Variants in ZNF521 observed in about 807,000 individuals in gnomAD.
The protein encoded by ZNF521 is zinc finger protein 521.
In ZNF521, 14 loss-of-function variants were observed where a neutral mutation model predicts 105.5. The observed-to-expected ratio is 0.13, with a 90% CI of 0.09 to 0.21. The LOEUF is 0.21. Ranked by LOEUF, ZNF521 falls within the 10% of genes least tolerant of loss-of-function variation. The pLI is 1.00. For missense variants in ZNF521, 1,233 were observed against 1,629.7 expected (o/e 0.76, Z 4.19); for synonymous variants, 635 against 606.0 (o/e 1.05, Z -0.70).
In ZNF521 at chr18:25,074,406, G is replaced by C. The variant is rs531567448; in HGVS notation, c.3907-11665C>G. On this transcript the variant is annotated intron_variant, in intron 7 of 7. Coordinates refer to ENST00000361524, the MANE Select transcript of ZNF521 (RefSeq NM_015461.3). ...AGAAGAGAAAACATTTCACACTCAA[G>C]TTTGGTGCTTTTTTCTTTTTGCCTG... is the stretch of plus-strand genomic sequence containing the variant. 1.2e-3 allele frequency among the ~76,000 whole-genome samples: 186 copies of C among 152,262 alleles called. 1 individual carries two copies. The highest frequency in any genetic ancestry group is 4.3e-3 in the African/African-American group (180 of 41,570).
rs1908141350 is a variant in ZNF521, at chr18:25,251,819, AT to A, written c.221-24123del. On this transcript the variant is annotated intron_variant, in intron 3 of 7. Transcript: ENST00000361524. Reference sequence around the variant, plus strand: ...TTATACAAGGAATAATTCAGGGAAAATTATCTACACACATGGTATTGATTAA... The same window carrying A: ...TTATACAAGGAATAATTCAGGGAAAATATCTACACACATGGTATTGATTAA... Among the ~76,000 whole-genome samples the A allele has an allele frequency of 2.0e-5, 3 of 152,004 alleles. No homozygotes were observed. The South Asian group carries it at 6.2e-4, about 32-fold the overall frequency.
At chr18:25,296,467 C>T (rs577750515) in intron 3 of ZNF521, among the ~76,000 whole-genome samples, 8 of 152,292 alleles carry the variant, frequency 5.3e-5, no homozygotes, top group Non-Finnish European at 1.0e-4. Flanking sequence ...TTCAAAGATA[C>T]TCAGTCACAC....
chr18:25,187,470 CT>C (rs1422040031), intron 5 of ZNF521, among the ~76,000 whole-genome samples: 1 of 151,536 alleles, frequency 6.6e-6, no homozygotes, highest in African/African-American at 2.4e-5. Flanking sequence ...ATTTTAATAA[CT>C]CTTAAATAAG....
At chr18:25,299,272 G>C (rs933044847) in intron 3 of ZNF521, among the ~76,000 whole-genome samples, 2 of 152,184 alleles carry the variant, frequency 1.3e-5, no homozygotes, top group Admixed American at 1.3e-4. Flanking sequence ...AAGCTAAACT[G>C]CTTCCAACAT....
At chr18:25,096,291 C>G in intron 5 of ZNF521, among the ~76,000 whole-genome samples, 1 of 152,150 alleles carries the variant, frequency 6.6e-6, no homozygotes, top group East Asian at 1.9e-4. Flanking sequence ...AAATTTTGTG[C>G]TCTAAGAAAA....
chr18:25,208,173 G>T (rs986322044), intron 4 of ZNF521, among the ~76,000 whole-genome samples: 2 of 152,122 alleles, frequency 1.3e-5, no homozygotes, highest in African/African-American at 2.4e-5. Flanking sequence ...GCTCTTCACA[G>T]TCTTAATATA....
intron 4 of ZNF521, among the ~76,000 whole-genome samples, chr18:25,210,453 T>C (rs2036159498): frequency 6.6e-6 from 1 of 152,220 alleles, no homozygotes; most frequent in Non-Finnish European, 1.5e-5. Context: ...GCTTATGTAA[T>C]ACAATGTTTA....
intron 3 of ZNF521, among the ~76,000 whole-genome samples, chr18:25,257,691 CTCT>C (rs1908615067): frequency 6.6e-6 from 1 of 152,222 alleles, no homozygotes; most frequent in African/African-American, 2.4e-5. Context: ...ATGAAACCTC[CTCT>C]TCATTTTCCA....
chr18:25,064,869 T>C (rs898542844), intron 7 of ZNF521, among the ~76,000 whole-genome samples: 2 of 152,226 alleles, frequency 1.3e-5, no homozygotes, highest in African/African-American at 2.4e-5. Context: ...CTCTCCCTTA[T>C]TTAAAACATA....
intron 3 of ZNF521, among the ~76,000 whole-genome samples, chr18:25,281,106 A>G (rs1910350218): frequency 6.6e-6 from 1 of 152,222 alleles, no homozygotes; most frequent in East Asian, 1.9e-4. Context: ...GAGTCCAGAG[A>G]TATATAAATT....
At chr18:25,242,264 C>G (rs1907392037) in intron 3 of ZNF521, among the ~76,000 whole-genome samples, 1 of 152,188 alleles carries the variant, frequency 6.6e-6, no homozygotes, top group African/African-American at 2.4e-5. Context: ...TCCCCGATCT[C>G]TTCTGAGCAG....
At chr18:25,322,326 C>T in intron 2 of ZNF521, 139 bp from the exon 3 acceptor site, 3 of 859,366 alleles carry the variant, frequency 3.5e-6, no homozygotes, top group South Asian at 1.3e-5. Flanking sequence ...GATTTTATTA[C>T]AGGAGAATCA....
chr18:25,090,646 A>G (rs2033724458), intron 6 of ZNF521, among the ~76,000 whole-genome samples: 1 of 152,228 alleles, frequency 6.6e-6, no homozygotes, highest in Non-Finnish European at 1.5e-5. Context: ...CCGTATCAAC[A>G]AGAAGAAATG....
rs748872091 is a variant in ZNF521, at chr18:25,226,035, G to A, written c.1883C>T (p.Ala628Val). ...KMMQAVGGAPARPTGEYICNQ... is the reference protein window; with the variant it reads ...KMMQAVGGAPVRPTGEYICNQ... The stretch of plus-strand genomic sequence containing the variant: ...ACAGATATATTCTCCAGTGGGACGT[G>A]CAGGTGCACCTCCTACTGCCTGCAT... Residue 628 changes from alanine (A) to valine (V), a missense_variant, in exon 4 of 8, where the codon GCA (alanine) becomes GTA (valine). Ala to Val is a moderately conservative substitution (Grantham distance 64, BLOSUM62 0). This residue lies in a region of ZNF521 where 614 missense variants were observed against 751.5 expected (regional missense o/e 0.82). Coordinates refer to ENST00000361524, the MANE Select transcript of ZNF521 (RefSeq NM_015461.3). This position sits in a 1 kb window ranked among gnomAD's most constrained non-coding sequence, Gnocchi z 4.1. The A allele has an allele frequency of 1.1e-5, 17 of 1,614,102 alleles. No individual in the cohort carries two copies. Among genetic ancestry groups the A allele is most frequent in the Non-Finnish European group, 1.4e-5 (16 of 1,180,040 alleles).
chr18:25,184,760 G>C (rs553578260), intron 5 of ZNF521, among the ~76,000 whole-genome samples: 4 of 152,250 alleles, frequency 2.6e-5, no homozygotes, highest in African/African-American at 9.6e-5. Context: ...CCCAGCCTCA[G>C]AGAGAGAAAA....
In ZNF521 at chr18:25,120,604, CA is replaced by C. The variant is rs1567970633; in HGVS notation, c.3659-28524del. On this transcript the variant is annotated intron_variant, in intron 5 of 7. Transcript: ENST00000361524. The stretch of plus-strand genomic sequence containing the variant: ...ATCTAAAAAAAAAAAAAAAAAAAAC[CA>C]CAAACAAACAAACAAACAAACAAAA... 5.7e-4 allele frequency among the ~76,000 whole-genome samples: 79 copies of C among 138,018 alleles called. 1 individual carries two copies. In the South Asian group the frequency reaches 8.5e-3, roughly 15 times the overall value. 90.5% of individuals were successfully genotyped at this position (138,018 alleles called of 152,430 possible). A position where few individuals can be genotyped will look rare whatever the true frequency, so the allele number is the denominator to read the frequency against.
chr18:25,165,362 A>T (rs996146724), intron 5 of ZNF521, among the ~76,000 whole-genome samples: 6 of 152,216 alleles, frequency 3.9e-5, no homozygotes, highest in Non-Finnish European at 7.4e-5. Context: ...ACCAAAAAAC[A>T]CGGAGCAGAA....
intron 3 of ZNF521, among the ~76,000 whole-genome samples, chr18:25,246,803 C>G (rs904645958): frequency 3.9e-5 from 6 of 152,154 alleles, no homozygotes; most frequent in African/African-American, 1.4e-4. Flanking sequence ...CCTTTGTCAC[C>G]TCTCTTGCCC....
chr18:25,183,319 T>A (rs550659365), intron 5 of ZNF521, among the ~76,000 whole-genome samples: 16 of 152,308 alleles, frequency 1.1e-4, no homozygotes, highest in African/African-American at 3.8e-4. Flanking sequence ...CTTAAAATAA[T>A]CACAATTCAG....
Sources: gnomAD v4.1 joint callset for allele counts (sites outside exome capture counted in the v4.1 genomes callset) on GRCh38, gnomAD v4.1.1 for gene constraint, gnomAD v4.1.1 regional missense constraint, Gnocchi (gnomAD v3.1) non-coding constraint, MANE v1.5 for transcripts, NCBI Gene and HGNC (gene_info 2026-07-23, HGNC 2026-07-21) for gene names.